The following ADAMTS10 variants were observed in gnomAD, a reference collection of about 807,000 sequenced individuals.
ADAMTS10 encodes A disintegrin and metalloproteinase with thrombospondin motifs 10.
Under a neutral mutation model 135.9 loss-of-function variants are expected in ADAMTS10, and 48 were observed. That is an observed-to-expected ratio of 0.35 (90% CI 0.28 to 0.45). The LOEUF (loss-of-function observed/expected upper bound fraction) is 0.45. Ranked by LOEUF, ADAMTS10 falls within the 20% of genes least tolerant of loss-of-function variation. The pLI is 1.00. For synonymous variants in ADAMTS10, 621 were observed against 647.5 expected, an observed-to-expected ratio of 0.96 and a Z score of 0.62; for missense variants, 1,131 against 1,565.2, an observed-to-expected ratio of 0.72 and a Z score of 4.68.
At chr19:8,589,110 G>T in intron 18 of ADAMTS10, 132 bp downstream of exon 18, 1 of 1,468,764 alleles carries the variant, frequency 6.8e-7, no homozygotes, top group South Asian at 1.3e-5. Context: ...AGGACTTTTG[G>T]GGACTCCTGA....
intron 18 of ADAMTS10, among the ~76,000 whole-genome samples, chr19:8,588,857 T>G (rs1242519197): frequency 6.6e-6 from 1 of 151,132 alleles, no homozygotes; most frequent in Non-Finnish European, 1.5e-5. Flanking sequence ...AGTGGTGTGA[T>G]CTCGGCTCAC....
intron 18 of ADAMTS10, among the ~76,000 whole-genome samples, chr19:8,588,736 C>T (rs994417798): frequency 6.6e-6 from 1 of 152,066 alleles, no homozygotes; most frequent in Non-Finnish European, 1.5e-5. Flanking sequence ...TCCACCCAGA[C>T]GTGGCATGAG....
Position 8,601,454 on chromosome 19 carries a change from C to T in ADAMTS10, c.593-309G>A, listed in dbSNP as rs1445295289. ...TTGGCTCACTGAAACCTCTGCCTCC[C>T]AGGTTCAAGCGATTCTCCTGCCTCA... On this transcript the variant is annotated intron_variant, in intron 5 of 25. Coordinates refer to ENST00000597188, the MANE Select transcript of ADAMTS10 (RefSeq NM_030957.4). This position sits in a 1 kb window ranked among gnomAD's most constrained non-coding sequence, Gnocchi z 4.6. Among the ~76,000 whole-genome samples the T allele has an allele frequency of 6.6e-6, 1 of 151,738 alleles. No individual in the cohort carries two copies. The highest frequency in any genetic ancestry group is 1.5e-5 in the Non-Finnish European group (1 of 67,948).
chr19:8,606,358 C>T (rs541347531), intron 2 of ADAMTS10, among the ~76,000 whole-genome samples: 1 of 152,236 alleles, frequency 6.6e-6, no homozygotes, highest in African/African-American at 2.4e-5. Flanking sequence ...CCACTGCACC[C>T]AGCCCACCGT....
At chr19:8,595,992 C>T (rs1246252545) in intron 11 of ADAMTS10, 81 bp downstream of exon 11, 5 of 1,613,754 alleles carry the variant, frequency 3.1e-6, no homozygotes, top group Non-Finnish European at 4.2e-6. Context: ...CAGGGAGCAT[C>T]CCTGATTTCT....
chr19:8,593,615 C>T (rs1167541078), intron 12 of ADAMTS10: 2 of 152,250 alleles, frequency 1.3e-5, no homozygotes, highest in South Asian at 2.1e-4. Context: ...GTCCCAGGGA[C>T]TCACTCTGAC....
intron 6 of ADAMTS10, 50 bp from the exon 7 acceptor site, chr19:8,597,367 A>C (rs2042617684): frequency 2.6e-6 from 4 of 1,546,236 alleles, no homozygotes; most frequent in Admixed American, 1.8e-5. Context: ...AGCCCAGGGT[A>C]GAAAATGAAA....
rs375664205 is a variant in ADAMTS10, at chr19:8,585,609, C to T, written c.2712G>A (p.Val904=). The part of the protein sequence containing the change: ...SLCSRSCDAG[V]RSRSVVCQRR... ...GCTGGCACACGACCGAGCGGCTGCG[C>T]ACGCCTGCATCGCAGCTGCGGCTGC... Residue 904 remains valine (V), a synonymous_variant, in exon 23 of 26, where the codon GTG becomes GTA. Coordinates refer to ENST00000597188, the MANE Select transcript of ADAMTS10 (RefSeq NM_030957.4). The T allele has an allele frequency of 5.4e-5, 87 of 1,611,316 alleles. No individual in the cohort carries two copies. Among genetic ancestry groups the T allele is most frequent in the Non-Finnish European group, 7.0e-5 (83 of 1,179,464 alleles).
chr19:8,603,940 A>G, intron 4 of ADAMTS10, 56 bp from the exon 5 acceptor site: 1 of 1,496,758 alleles, frequency 6.7e-7, no homozygotes, highest in East Asian at 2.3e-5. Context: ...GGAGCTTAGG[A>G]CCCCTGGGAC....
At position 8,592,675 on chromosome 19, in the gene ADAMTS10, T is replaced by C. The variant is rs549109309; in HGVS notation, c.1587+88A>G. ...GGCCAATGTGGGAGGGAGCAGATAA[T>C]AGGCCGAAGGACAGGCGGGTAGGCG... is the stretch of plus-strand genomic sequence containing the variant. On this transcript the variant is annotated intron_variant, in intron 13 of 25. Transcript: ENST00000597188. The C allele has an allele frequency of 1.6e-4, 219 of 1,340,496 alleles. 2 individuals carry two copies. The South Asian group carries it at 2.6e-3, about 16-fold the overall frequency. The allele number at this position is 1,340,496 out of a possible 1,614,324, so 83.0% of individuals were successfully genotyped here. A position where few individuals can be genotyped will look rare whatever the true frequency, so the allele number is the denominator to read the frequency against.
Position 8,597,106 on chromosome 19 carries a change from G to A in ADAMTS10, c.921C>T (p.Ala307=), listed in dbSNP as rs782693082. The change falls in exon 8 of 26, where the codon GCC becomes GCT. Residue 307 remains alanine (A), a synonymous_variant. Coordinates refer to ENST00000597188, the MANE Select transcript of ADAMTS10 (RefSeq NM_030957.4). ...DQPTLEITHH[A]GKSLDSFCKW... The stretch of plus-strand genomic sequence containing the variant: ...TACAGAAGCTGTCCAGGGACTTCCC[G>A]GCATGGTGGGTGATCTCCAGAGTGG... 129 of 1,613,996 alleles carry A rather than the reference G, an allele frequency of 8.0e-5. No individual in the cohort carries two copies. The highest frequency in any genetic ancestry group is 1.0e-4 in the Non-Finnish European group (122 of 1,180,044).
chr19:8,601,058 C>G lies in ADAMTS10; in HGVS notation c.680G>C (p.Gly227Ala), dbSNP rs1555741466. ...GACCGATCGCTTCAGGCCTGGCTGGCCACGCTCTGTTTCATTCCCCAGGGG... is the reference window on the plus strand; with the variant it reads ...GACCGATCGCTTCAGGCCTGGCTGGGCACGCTCTGTTTCATTCCCCAGGGG... ...ARPLGNETER[G>A]QPGLKRSVSR... Residue 227 changes from glycine to alanine, a missense_variant, in exon 6 of 26, where the codon GGC becomes GCC. Around this residue, in one of 3 missense-constraint regions of ADAMTS10, gnomAD observed 306 missense variants for 344.4 expected, o/e 0.89. Coordinates refer to ENST00000597188, the MANE Select transcript of ADAMTS10 (RefSeq NM_030957.4). This position sits in a 1 kb window ranked among gnomAD's most constrained non-coding sequence, Gnocchi z 4.6. 1.2e-6 allele frequency: 2 copies of G among 1,614,146 alleles called. No homozygotes were observed. Among genetic ancestry groups the G allele is most frequent in the African/African-American group, 2.7e-5 (2 of 75,070 alleles).
At chr19:8,591,528 G>T (rs1213809266) in intron 15 of ADAMTS10, among the ~76,000 whole-genome samples, 1 of 149,516 alleles carries the variant, frequency 6.7e-6, no homozygotes, top group Non-Finnish European at 1.5e-5. Flanking sequence ...TGCAGCCTCC[G>T]CCTCCCGGGT....
In ADAMTS10 at chr19:8,596,905, A is replaced by C; in HGVS notation, c.1040+82T>G. Reference sequence around the variant, plus strand: ...CTCTGCTCCTCCTGACCCTAGCAGAAGTGATCTCTGTTTGGACTCTCATGG... The same window carrying C: ...CTCTGCTCCTCCTGACCCTAGCAGACGTGATCTCTGTTTGGACTCTCATGG... On this transcript the variant is annotated intron_variant, in intron 8 of 25. Coordinates refer to ENST00000597188, the MANE Select transcript of ADAMTS10 (RefSeq NM_030957.4). The surrounding 1 kb of genome is among the most constrained non-coding windows in gnomAD (Gnocchi z 7.2). The C allele has an allele frequency of 6.3e-7, 1 of 1,593,084 alleles. No individual in the cohort carries two copies. Among genetic ancestry groups the C allele is most frequent in the Non-Finnish European group, 8.5e-7 (1 of 1,173,418 alleles).
chr19:8,581,627 G>A (rs2042351594), intron 25 of ADAMTS10, among the ~76,000 whole-genome samples: 1 of 151,950 alleles, frequency 6.6e-6, no homozygotes, highest in Non-Finnish European at 1.5e-5. Context: ...TTCAGGTCGG[G>A]AGTTTGAAAC....
intron 16 of ADAMTS10, 78 bp downstream of exon 16, chr19:8,589,811 C>T: frequency 2.0e-6 from 3 of 1,483,756 alleles, no homozygotes; most frequent in Non-Finnish European, 2.8e-6. Flanking sequence ...CCCCGGGATG[C>T]TGCATTCATC....
intron 6 of ADAMTS10, among the ~76,000 whole-genome samples, chr19:8,600,475 T>G (rs78531374): frequency 6.7e-5 from 10 of 148,876 alleles, no homozygotes; most frequent in East Asian, 4.1e-4. Flanking sequence ...TTCTCTTTCT[T>G]TCTGTCTTTT....
chr19:8,596,649 C>T lies in ADAMTS10; in HGVS notation c.1041-64G>A. 4 of 1,585,860 alleles carry T rather than the reference C, an allele frequency of 2.5e-6. No homozygotes were observed. The highest frequency in any genetic ancestry group is 3.4e-6 in the Non-Finnish European group (4 of 1,161,592). The stretch of plus-strand genomic sequence containing the variant: ...TCTCCCTAAGCCCTGCTGATGCCAC[C>T]ATGCCCAGCTCTGGGGGTTGAGTCC... On this transcript the variant is annotated intron_variant, in intron 8 of 25. Transcript: ENST00000597188. This position sits in a 1 kb window ranked among gnomAD's most constrained non-coding sequence, Gnocchi z 7.2.
intron 5 of ADAMTS10, among the ~76,000 whole-genome samples, chr19:8,602,563 T>A (rs554220917): frequency 6.6e-6 from 1 of 152,260 alleles, no homozygotes; most frequent in East Asian, 1.9e-4. Flanking sequence ...TCAAGTGATC[T>A]GCCCATCTCG....
Sources: gnomAD v4.1 joint callset for allele counts (sites outside exome capture counted in the v4.1 genomes callset) on GRCh38, gnomAD v4.1.1 for gene constraint, gnomAD v4.1.1 regional missense constraint, Gnocchi (gnomAD v3.1) non-coding constraint, MANE v1.5 for transcripts, NCBI Gene and HGNC (gene_info 2026-07-23, HGNC 2026-07-21) for gene names.